The following ADGRL2 variants were observed in gnomAD, a reference collection of about 807,000 sequenced individuals.
The protein encoded by ADGRL2 is calcium-independent alpha-latrotoxin receptor 2.
ADGRL2 carries 44 observed loss-of-function variants against 157.4 expected under a neutral mutation model. The observed-to-expected ratio is 0.28, with a 90% confidence interval of 0.22 to 0.36. ADGRL2 has a LOEUF of 0.36. ADGRL2 is among the 10% of genes least tolerant of loss of function. The pLI is 1.00. For missense variants in ADGRL2, 1,510 were observed against 1,768.9 expected (o/e 0.85, Z 2.63); for synonymous variants, 585 against 624.7 (o/e 0.94, Z 0.95).
intron 1 of ADGRL2, among the ~76,000 whole-genome samples, chr1:81,737,645 C>T (rs915735213): frequency 3.9e-5 from 6 of 152,098 alleles, no homozygotes; most frequent in East Asian, 1.9e-4. Context: ...AGATTATTTT[C>T]GTGTATTTAT....
At chr1:81,759,863 G>A (rs1020446241) in intron 1 of ADGRL2, among the ~76,000 whole-genome samples, 1 of 152,038 alleles carries the variant, frequency 6.6e-6, no homozygotes, top group Non-Finnish European at 1.5e-5. Flanking sequence ...TTCCAAGTAT[G>A]TTCAGATAAA....
intron 2 of ADGRL2, among the ~76,000 whole-genome samples, chr1:81,491,258 G>A (rs75200858): frequency 0.05 from 7,669 of 152,226 alleles, 228 homozygotes; most frequent in Admixed American, 0.089. Flanking sequence ...GCTAAATTAT[G>A]TGATATCTGT....
intron 2 of ADGRL2, among the ~76,000 whole-genome samples, chr1:81,552,102 T>C (rs1446920752): frequency 6.6e-6 from 1 of 152,168 alleles, no homozygotes; most frequent in Non-Finnish European, 1.5e-5. Flanking sequence ...AGCAGCTTGT[T>C]TGTGGTATAG....
chr1:81,699,040 A>G (rs536895036), upstream of ADGRL2, among the ~76,000 whole-genome samples: 1 of 152,174 alleles, frequency 6.6e-6, no homozygotes, highest in Non-Finnish European at 1.5e-5. Context: ...CATAACTAAC[A>G]CATGTATTTG....
intron 2 of ADGRL2, among the ~76,000 whole-genome samples, chr1:81,781,125 A>G (rs1359834768): frequency 6.6e-6 from 1 of 151,922 alleles, no homozygotes; most frequent in Non-Finnish European, 1.5e-5. Context: ...GCCAGACACT[A>G]TTTATATTTA....
chr1:81,795,812 C>G (rs2149435144), upstream of ADGRL2, among the ~76,000 whole-genome samples: 1 of 152,266 alleles, frequency 6.6e-6, no homozygotes, highest in South Asian at 2.1e-4. Flanking sequence ...TGCACCTAAG[C>G]AATACATGAT....
chr1:81,345,263 T>C (rs1340168526), intron 1 of ADGRL2, among the ~76,000 whole-genome samples: 1 of 152,148 alleles, frequency 6.6e-6, no homozygotes, highest in African/African-American at 2.4e-5. Flanking sequence ...TAGATGCAAG[T>C]CACTAAGCCT....
At chr1:81,338,941 A>G (rs1301879058) in intron 1 of ADGRL2, among the ~76,000 whole-genome samples, 1 of 152,052 alleles carries the variant, frequency 6.6e-6, no homozygotes, top group Admixed American at 6.6e-5. Context: ...TTATTCTCTT[A>G]TCTCATTACA....
chr1:81,724,943 C>T (rs747296803), intron 1 of ADGRL2, among the ~76,000 whole-genome samples: 1 of 150,650 alleles, frequency 6.6e-6, no homozygotes, highest in African/African-American at 2.4e-5. Context: ...CGGTGGCTCA[C>T]GCCTGTAATC....
At chr1:81,537,934 A>C (rs1398663621) in intron 2 of ADGRL2, among the ~76,000 whole-genome samples, 1 of 152,164 alleles carries the variant, frequency 6.6e-6, no homozygotes, top group Non-Finnish European at 1.5e-5. Context: ...TCCTGACCCC[A>C]GGTGATCCAT....
In ADGRL2 at chr1:81,635,495, A is replaced by C. The variant is rs1363484991; in HGVS notation, c.-143+54515A>C. On this transcript the variant is annotated intron_variant, in intron 3 of 24. Transcript: ENST00000370721. Reference sequence around the variant, plus strand: ...AAACTAGTAAGCTTATAAACAAGAGAAATTTGTTTCTCACAGTTCTGAAGG... The same window carrying C: ...AAACTAGTAAGCTTATAAACAAGAGCAATTTGTTTCTCACAGTTCTGAAGG... 7.2e-5 allele frequency among the ~76,000 whole-genome samples: 11 copies of C among 152,292 alleles called. No homozygotes were observed. The East Asian group carries it at 2.1e-3, about 29-fold the overall frequency.
At chr1:81,794,822 G>A (rs1460190876) in intron 2 of ADGRL2, among the ~76,000 whole-genome samples, 1 of 152,112 alleles carries the variant, frequency 6.6e-6, no homozygotes, top group African/African-American at 2.4e-5. Context: ...AAACTATGTT[G>A]ATGGGAATTA....
At chr1:81,897,912 A>G (rs1189152646) in intron 2 of ADGRL2, among the ~76,000 whole-genome samples, 1 of 152,182 alleles carries the variant, frequency 6.6e-6, no homozygotes, top group African/African-American at 2.4e-5. Context: ...GAAGTACTTC[A>G]TTATTTAAAA....
intron 3 of ADGRL2, among the ~76,000 whole-genome samples, chr1:81,635,842 C>T (rs1209458856): frequency 6.6e-6 from 1 of 152,230 alleles, no homozygotes; most frequent in African/African-American, 2.4e-5. Flanking sequence ...CCCTTTGGTT[C>T]AAGTAGCTTC....
intron 3 of ADGRL2, among the ~76,000 whole-genome samples, chr1:81,610,932 G>T (rs1168087425): frequency 6.6e-6 from 1 of 152,160 alleles, no homozygotes; most frequent in African/African-American, 2.4e-5. Context: ...TGGTGATAGG[G>T]TGTGAATAGG....
In ADGRL2 at chr1:81,502,429, T is replaced by C. The variant is rs557989334; in HGVS notation, c.-248+57340T>C. 409 of 1,614,048 alleles carry C rather than the reference T, an allele frequency of 2.5e-4. No individual in the cohort carries two copies. In the African/African-American group the frequency reaches 4.1e-3, roughly 16 times the overall value. ...AGCTGTATGAACTGGACGGTGATCC[T>C]GAAAGGAAAGAGTTCCTGGATGACC... is the stretch of plus-strand genomic sequence containing the variant. On this transcript the variant is annotated intron_variant, in intron 2 of 24. Transcript: ENST00000370721.
intron 2 of ADGRL2, among the ~76,000 whole-genome samples, chr1:81,875,788 T>C (rs2093824051): frequency 6.6e-6 from 1 of 152,140 alleles, no homozygotes; most frequent in South Asian, 2.1e-4. Flanking sequence ...GAGCATCACC[T>C]ATATCTGGCA....
At chr1:81,416,938 T>A (rs1347289084) in intron 1 of ADGRL2, among the ~76,000 whole-genome samples, 1 of 152,192 alleles carries the variant, frequency 6.6e-6, no homozygotes, top group Non-Finnish European at 1.5e-5. Flanking sequence ...CTGGCATAGA[T>A]CCCAAGAATT....
Position 81,955,934 on chromosome 1 carries a change from C to T in ADGRL2, c.1891C>T (p.His631Tyr), listed in dbSNP as rs780256229. The T allele has an allele frequency of 9.3e-6, 15 of 1,607,420 alleles. No individual in the cohort carries two copies. In the South Asian group the frequency reaches 1.7e-4, roughly 18 times the overall value. The change falls in exon 11 of 24, where the codon CAT becomes TAT. Residue 631 changes from histidine (H) to tyrosine (Y), a missense_variant. By Grantham distance (83) the His-to-Tyr change is moderately conservative (BLOSUM62 2). This residue lies in a region of ADGRL2 where 325 missense variants were observed against 333.2 expected (regional missense o/e 0.98). Coordinates refer to ENST00000686636, the MANE Select transcript of ADGRL2 (RefSeq NM_001366006.2). ...ACCCGAAGCTTTGGAATCATGGAAACATATGAATTCTTCTGAACAAGCACA... is the reference window on the plus strand; with the variant it reads ...ACCCGAAGCTTTGGAATCATGGAAATATATGAATTCTTCTGAACAAGCACA... ...LRPEALESWK[H>Y]MNSSEQAHTA...
Sources: allele counts gnomAD v4.1 joint callset (sites outside exome capture counted in the v4.1 genomes callset), GRCh38; gene constraint gnomAD v4.1.1; regional missense constraint gnomAD v4.1.1; transcripts MANE v1.5; gene names NCBI Gene and HGNC (gene_info 2026-07-23, HGNC 2026-07-21).